RAB38: variants seen among roughly 807,000 people sequenced by gnomAD.
RAB38 encodes RAB38, member RAS oncogene family.
RAB38 carries 15 observed loss-of-function variants against 18.4 expected under a neutral mutation model. The ratio of observed to expected loss-of-function variants is 0.82; its 90% CI spans 0.55 to 1.26. The LOEUF (loss-of-function observed/expected upper bound fraction) is 1.26, where lower values mean the gene tolerates loss of function less well. Ranked by LOEUF, RAB38 falls within the 50% of genes most tolerant of loss-of-function variation. RAB38 has a pLI of 0.00. For synonymous variants in RAB38, 101 were observed against 104.4 expected (o/e 0.97, Z 0.20); for missense variants, 294 against 267.4 (o/e 1.10, Z -0.69).
At chr11:87,830,765 A>ATTT in the RAB38 span, among the ~76,000 whole-genome samples, 1 of 152,048 alleles carries the variant, frequency 6.6e-6, no homozygotes, top group Non-Finnish European at 1.5e-5. Flanking sequence ...AGATAAGGAA[A>ATTT]TTAAATTTTA....
the RAB38 span, among the ~76,000 whole-genome samples, chr11:87,847,260 C>A: frequency 6.6e-6 from 1 of 151,912 alleles, no homozygotes; most frequent in Non-Finnish European, 1.5e-5. Flanking sequence ...GCTAGAATAT[C>A]ATGAGTAAAA....
At chr11:87,814,974 C>G in the RAB38 span, 3 of 152,448 alleles carry the variant, frequency 2.0e-5, no homozygotes, top group East Asian at 3.9e-4. Context: ...ACCTCGTGAT[C>G]CGCCCGCCTC....
intron 1 of RAB38, among the ~76,000 whole-genome samples, chr11:88,151,974 CCTA>C (rs1191012317): frequency 3.3e-5 from 5 of 152,160 alleles, no homozygotes; most frequent in African/African-American, 9.7e-5. Flanking sequence ...CCCACAGTTG[CCTA>C]GTCAACGAAA....
chr11:88,025,807 T>G, the RAB38 span, among the ~76,000 whole-genome samples: 9 of 152,188 alleles, frequency 5.9e-5, no homozygotes, highest in Non-Finnish European at 1.3e-4. Flanking sequence ...TAATATTTTT[T>G]CCCATTCTGT....
the RAB38 span, among the ~76,000 whole-genome samples, chr11:87,869,997 ATAAAT>A: frequency 2.4e-4 from 37 of 151,814 alleles, no homozygotes; most frequent in African/African-American, 5.3e-4. Flanking sequence ...TTACAATAAA[ATAAAT>A]TATATTCATA....
chr11:87,861,181 C>G, the RAB38 span, among the ~76,000 whole-genome samples: 36,892 of 151,734 alleles, frequency 0.24, 5,855 homozygotes, highest in African/African-American at 0.45. Flanking sequence ...AAAAGGCCAT[C>G]TTATTCATGC....
chr11:87,928,381 A>C, the RAB38 span, among the ~76,000 whole-genome samples: 1 of 152,072 alleles, frequency 6.6e-6, no homozygotes, highest in Admixed American at 6.6e-5. Flanking sequence ...GAAAAAATGG[A>C]AAGTTCTTTT....
chr11:88,150,315 A>G (rs1943048799), intron 1 of RAB38, among the ~76,000 whole-genome samples: 1 of 152,222 alleles, frequency 6.6e-6, no homozygotes, highest in East Asian at 1.9e-4. Context: ...CTACATTTCA[A>G]GTGTTCAGTA....
At chr11:88,133,122 C>G (rs546430460) in intron 2 of RAB38, among the ~76,000 whole-genome samples, 1 of 152,172 alleles carries the variant, frequency 6.6e-6, no homozygotes, top group South Asian at 2.1e-4. Flanking sequence ...GATCTGGCCA[C>G]TCCATTTAAA....
the RAB38 span, among the ~76,000 whole-genome samples, chr11:88,096,440 AC>A: frequency 6.6e-6 from 1 of 151,920 alleles, no homozygotes; most frequent in Admixed American, 6.6e-5. Context: ...CCCAACAATC[AC>A]TGTCTCTCCC....
At chr11:87,829,205 T>G in the RAB38 span, among the ~76,000 whole-genome samples, 1 of 152,336 alleles carries the variant, frequency 6.6e-6, no homozygotes, top group South Asian at 2.1e-4. Flanking sequence ...ATAGAAAATT[T>G]AGGGAAGATC....
the RAB38 span, among the ~76,000 whole-genome samples, chr11:87,887,565 C>T: frequency 1.3e-5 from 2 of 151,850 alleles, no homozygotes; most frequent in African/African-American, 4.8e-5. Flanking sequence ...TGTCTTTAAG[C>T]CTCATTTCCT....
At chr11:87,876,744 G>A in the RAB38 span, among the ~76,000 whole-genome samples, 12 of 151,592 alleles carry the variant, frequency 7.9e-5, no homozygotes, top group South Asian at 2.3e-3. Context: ...GCCTGTATGA[G>A]ACTACTCTTC....
At chr11:88,052,957 GAT>G in the RAB38 span, among the ~76,000 whole-genome samples, 1 of 47,272 alleles carries the variant, frequency 2.1e-5, no homozygotes, top group African/African-American at 6.8e-5. Flanking sequence ...TTATATATAT[GAT>G]ATATATGATA....
chr11:88,099,411 G>T, the RAB38 span, among the ~76,000 whole-genome samples: 3 of 151,620 alleles, frequency 2.0e-5, no homozygotes, highest in Non-Finnish European at 4.4e-5. Context: ...AGTCTCACAG[G>T]TTTTCTTGAT....
chr11:88,016,982 A>C, the RAB38 span, among the ~76,000 whole-genome samples: 1 of 152,128 alleles, frequency 6.6e-6, no homozygotes, highest in African/African-American at 2.4e-5. Context: ...CAAAATGATA[A>C]ATGTTAATAG....
chr11:88,022,587 A>C, the RAB38 span, among the ~76,000 whole-genome samples: 1 of 138,352 alleles, frequency 7.2e-6, no homozygotes, highest in African/African-American at 2.7e-5. Flanking sequence ...ATGATTCTGT[A>C]TTTGGAAAAA....
At chr11:88,016,081 C>T in the RAB38 span, among the ~76,000 whole-genome samples, 1 of 152,172 alleles carries the variant, frequency 6.6e-6, no homozygotes, top group Non-Finnish European at 1.5e-5. Flanking sequence ...TGCACCTGAG[C>T]TGTCCACTGA....
At chr11:88,105,451 A>G in the RAB38 span, among the ~76,000 whole-genome samples, 1 of 152,198 alleles carries the variant, frequency 6.6e-6, no homozygotes, top group Non-Finnish European at 1.5e-5. Context: ...TTCTGAACAA[A>G]TGAACAACAA....
Sources: gnomAD v4.1 joint callset for allele counts (sites outside exome capture counted in the v4.1 genomes callset) on GRCh38, gnomAD v4.1.1 for gene constraint, MANE v1.5 for transcripts, NCBI Gene and HGNC (gene_info 2026-07-23, HGNC 2026-07-21) for gene names.